The following ADAM10 variants were observed in gnomAD, a reference collection of about 807,000 sequenced individuals.
The protein encoded by ADAM10 is ADAM metallopeptidase domain 10, also known as disintegrin and metalloproteinase domain-containing protein 10.
Under a neutral mutation model 90.1 loss-of-function variants are expected in ADAM10, and 17 were observed. The observed-to-expected ratio is 0.19, with a 90% confidence interval of 0.13 to 0.28. The LOEUF (loss-of-function observed/expected upper bound fraction) is 0.28. ADAM10 is among the 10% of genes least tolerant of loss of function. The pLI, the probability that ADAM10 is intolerant of heterozygous loss-of-function variation, is 1.00. For synonymous variants in ADAM10, 310 were observed against 298.6 expected (o/e 1.04, Z -0.40); for missense variants, 610 against 914.3 (o/e 0.67, Z 4.29).
At chr15:58,637,448 C>T (rs1181593607) in intron 8 of ADAM10, among the ~76,000 whole-genome samples, 2 of 152,144 alleles carry the variant, frequency 1.3e-5, no homozygotes, top group Non-Finnish European at 1.5e-5. Context: ...AAATGATTTT[C>T]CTGAATTTAC....
intron 2 of ADAM10, among the ~76,000 whole-genome samples, chr15:58,703,315 A>C (rs1898184417): frequency 6.7e-6 from 1 of 150,072 alleles, no homozygotes; most frequent in African/African-American, 2.4e-5. Context: ...AAAAAAACAC[A>C]CAGAAATACC....
At chr15:58,643,100 T>A (rs368396163) in intron 7 of ADAM10, among the ~76,000 whole-genome samples, 4 of 152,258 alleles carry the variant, frequency 2.6e-5, no homozygotes, top group South Asian at 2.1e-4. Flanking sequence ...ATTTAGCATA[T>A]AAATACTGTT....
intron 2 of ADAM10, among the ~76,000 whole-genome samples, chr15:58,700,022 C>T (rs536717003): frequency 8.5e-5 from 13 of 152,130 alleles, no homozygotes; most frequent in African/African-American, 2.9e-4. Context: ...ATATTCCATG[C>T]AAATGGAAAC....
chr15:58,651,822 G>C (rs1323679205), intron 5 of ADAM10, among the ~76,000 whole-genome samples: 1 of 152,054 alleles, frequency 6.6e-6, no homozygotes, highest in Admixed American at 6.6e-5. Context: ...AGGAACCTCC[G>C]AACTATTCTC....
chr15:58,675,184 G>C (rs1165848666), intron 4 of ADAM10, among the ~76,000 whole-genome samples: 2 of 152,060 alleles, frequency 1.3e-5, no homozygotes, highest in East Asian at 3.9e-4. Flanking sequence ...GGCGACGGAG[G>C]TATAGGCAAA....
chr15:58,686,711 T>A, intron 2 of ADAM10: 1 of 642,652 alleles, frequency 1.6e-6, no homozygotes. Context: ...TTCCCTAACT[T>A]TTAGAGATAT....
At position 58,590,211 on chromosome 15, in the gene ADAM10, C is replaced by T. The variant is rs1894797316; in HGVS notation, c.*7336G>A. 1.3e-5 allele frequency: 2 copies of T among 152,148 alleles called. No homozygotes were observed. Among genetic ancestry groups the T allele is most frequent in the South Asian group, 4.1e-4 (2 of 4,820 alleles). 9.4% of individuals were successfully genotyped at this position (152,148 alleles called of 1,614,324 possible). On this transcript the variant is annotated 3_prime_UTR_variant, in exon 16 of 16. Transcript: ENST00000260408. ...ATCTCTGCATTATCAGCTGTGACAA[C>T]GTCCCACCCTCCTTTCTCAGTCCTA... is the stretch of plus-strand genomic sequence containing the variant.
At chr15:58,684,440 G>T (rs1897531718) in intron 2 of ADAM10, among the ~76,000 whole-genome samples, 1 of 152,194 alleles carries the variant, frequency 6.6e-6, no homozygotes, top group South Asian at 2.1e-4. Flanking sequence ...AAGAGCAATG[G>T]AATTTCAGCC....
chr15:58,749,447 G>GCGGCGCCCC, intron 1 of ADAM10, 33 bp downstream of exon 1: 13 of 1,520,992 alleles, frequency 8.5e-6, no homozygotes, highest in Non-Finnish European at 1.1e-5. Context: ...CGCCGTGGTC[G>GCGGCGCCCC]CGGCGCCCCC....
At chr15:58,614,041 C>T (rs1895530017) in intron 11 of ADAM10, among the ~76,000 whole-genome samples, 1 of 152,176 alleles carries the variant, frequency 6.6e-6, no homozygotes, top group South Asian at 2.1e-4. Context: ...GGTGCACTGG[C>T]TCACACCTGT....
intron 11 of ADAM10, among the ~76,000 whole-genome samples, chr15:58,613,480 T>C (rs1350940542): frequency 6.6e-6 from 1 of 151,546 alleles, no homozygotes; most frequent in Non-Finnish European, 1.5e-5. Flanking sequence ...AATCAATAAA[T>C]TGCCTAAAAA....
chr15:58,633,451 T>C (rs1311956170), intron 8 of ADAM10, 92 bp from the exon 9 acceptor site: 2 of 1,118,708 alleles, frequency 1.8e-6, no homozygotes, highest in South Asian at 1.4e-5. Context: ...AAACATTTTA[T>C]ATTTTAATCT....
chr15:58,723,926 G>C (rs987147363), intron 1 of ADAM10, among the ~76,000 whole-genome samples: 3 of 152,128 alleles, frequency 2.0e-5, no homozygotes, highest in Admixed American at 6.5e-5. Context: ...ATCAGTCTTA[G>C]ATTATATTAA....
intron 2 of ADAM10, chr15:58,698,340 G>A (rs1898033085): frequency 4.6e-6 from 2 of 435,252 alleles, no homozygotes; most frequent in Non-Finnish European, 9.1e-6. Context: ...GGGAGGCTGA[G>A]GCAGGTGGAT....
rs756398175 is a variant in ADAM10 at position 58,597,485 on chromosome 15, T to G, written c.*62A>C. The G allele has an allele frequency of 1.4e-5, 23 of 1,613,010 alleles. No homozygotes were observed. In the East Asian group the frequency reaches 5.1e-4, roughly 36 times the overall value. ...GTTTGGAGATGATGACTTAATAGGT[T>G]TCTCTTTGGAGTGAAGTTTTCCCAT... is the stretch of plus-strand genomic sequence containing the variant. On this transcript the variant is annotated 3_prime_UTR_variant, in exon 16 of 16. Transcript: ENST00000260408.
intron 1 of ADAM10, among the ~76,000 whole-genome samples, chr15:58,729,895 G>C (rs1423028239): frequency 6.6e-6 from 1 of 151,522 alleles, no homozygotes; most frequent in Non-Finnish European, 1.5e-5. Flanking sequence ...CCAGGAGGCG[G>C]AGGCTGCGGC....
chr15:58,639,326 G>A (rs1181482044), intron 8 of ADAM10, among the ~76,000 whole-genome samples: 2 of 152,134 alleles, frequency 1.3e-5, no homozygotes, highest in African/African-American at 4.8e-5. Flanking sequence ...CTAGTCCATG[G>A]ATCACACTTG....
rs139846838 is a variant in ADAM10, at chr15:58,692,484, A to C, written c.207-10170T>G. On this transcript the variant is annotated intron_variant, in intron 2 of 15. Transcript: ENST00000260408. ...TCTTGGGCTTTTCTTTATCATCTTTATCTTCCTCTTCTTTCTCACCTTTCT... is the reference window on the plus strand; with the variant it reads ...TCTTGGGCTTTTCTTTATCATCTTTCTCTTCCTCTTCTTTCTCACCTTTCT... 17 of 518,472 alleles carry C rather than the reference A, an allele frequency of 3.3e-5. 1 individual carries two copies. Among genetic ancestry groups the C allele is most frequent in the South Asian group, 2.5e-4 (17 of 67,614 alleles). 32.1% of individuals were successfully genotyped at this position (518,472 alleles called of 1,614,324 possible).
intron 3 of ADAM10, among the ~76,000 whole-genome samples, chr15:58,680,652 G>A (rs540991110): frequency 3.9e-4 from 60 of 152,292 alleles, no homozygotes; most frequent in African/African-American, 1.4e-3. Context: ...TGAAAGTAGA[G>A]GGAGAGGGCT....
Sources: allele counts gnomAD v4.1 joint callset (sites outside exome capture counted in the v4.1 genomes callset), GRCh38; gene constraint gnomAD v4.1.1; transcripts MANE v1.5; gene names NCBI Gene and HGNC (gene_info 2026-07-23, HGNC 2026-07-21).